HPSE2: variants seen among roughly 807,000 people sequenced by gnomAD.
HPSE2 encodes the protein heparanase 2 (inactive).
HPSE2 carries 38 observed loss-of-function variants against 60.5 expected under a neutral mutation model. The observed-to-expected ratio is 0.63, with a 90% confidence interval of 0.48 to 0.82. The LOEUF is 0.82. HPSE2 is among the 40% of genes least tolerant of loss of function. HPSE2 has a pLI of 0.00. For synonymous variants in HPSE2, 295 were observed against 293.2 expected (o/e 1.01, Z -0.06); for missense variants, 713 against 740.4 (o/e 0.96, Z 0.43).
chr10:99,075,634 C>T (rs1842929722), intron 3 of HPSE2, among the ~76,000 whole-genome samples: 1 of 151,866 alleles, frequency 6.6e-6, no homozygotes, highest in African/African-American at 2.4e-5. Flanking sequence ...CTGAAGTGTC[C>T]CACTATTATA....
intron 3 of HPSE2, among the ~76,000 whole-genome samples, chr10:98,824,674 C>T (rs981290603): frequency 6.6e-6 from 1 of 152,020 alleles, no homozygotes; most frequent in Non-Finnish European, 1.5e-5. Context: ...TATTTTATTC[C>T]CTTGAACCAT....
At chr10:98,558,606 T>G (rs1164325054) in intron 9 of HPSE2, among the ~76,000 whole-genome samples, 1 of 152,178 alleles carries the variant, frequency 6.6e-6, no homozygotes, top group East Asian at 1.9e-4. Flanking sequence ...CAGACAGCAA[T>G]GACTAGAAGG....
chr10:99,127,607 C>T (rs569206714), intron 3 of HPSE2, among the ~76,000 whole-genome samples: 1 of 152,238 alleles, frequency 6.6e-6, no homozygotes, highest in Non-Finnish European at 1.5e-5. Context: ...CCTGGCCTTG[C>T]TAGAGATCTA....
intron 3 of HPSE2, among the ~76,000 whole-genome samples, chr10:98,994,659 G>A (rs1956603342): frequency 6.6e-6 from 1 of 152,164 alleles, no homozygotes; most frequent in Non-Finnish European, 1.5e-5. Flanking sequence ...CCAAGAGTGA[G>A]GCACAGCTCA....
chr10:98,488,995 C>T (rs986522459), intron 10 of HPSE2, among the ~76,000 whole-genome samples: 1 of 152,130 alleles, frequency 6.6e-6, no homozygotes, highest in African/African-American at 2.4e-5. Flanking sequence ...ATCAAGGAAG[C>T]AGAAGGAGCA....
chr10:99,034,551 T>A (rs1957567663), intron 3 of HPSE2, among the ~76,000 whole-genome samples: 1 of 152,092 alleles, frequency 6.6e-6, no homozygotes, highest in Admixed American at 6.6e-5. Flanking sequence ...TGACAAATGA[T>A]TCTACCTGTA....
intron 3 of HPSE2, among the ~76,000 whole-genome samples, chr10:98,959,162 C>T (rs1564691384): frequency 6.6e-6 from 1 of 152,058 alleles, no homozygotes; most frequent in Non-Finnish European, 1.5e-5. Flanking sequence ...TAAACATTAG[C>T]ATGAGATGTA....
chr10:99,079,485 A>G (rs1332301513), intron 3 of HPSE2, among the ~76,000 whole-genome samples: 1 of 152,078 alleles, frequency 6.6e-6, no homozygotes, highest in Non-Finnish European at 1.5e-5. Flanking sequence ...GTCAAACTCT[A>G]TCTCATCCAA....
intron 9 of HPSE2, among the ~76,000 whole-genome samples, chr10:98,561,849 AAAACAAAC>A (rs143822075): frequency 2.0e-5 from 3 of 151,210 alleles, no homozygotes; most frequent in Admixed American, 6.6e-5. Context: ...CTCAGTCTCA[AAAACAAAC>A]AAACAAACAA....
At position 98,959,782 on chromosome 10, in the gene HPSE2, G is replaced by A. The variant is rs539569563; in HGVS notation, c.610+184456C>T. On this transcript the variant is annotated intron_variant, in intron 3 of 11. Transcript: ENST00000370552. ...AGAGACAACTAGAAAGAAGGCATTA[G>A]AAATGTGGGAAAGCTGACACTAAGC... 2.6e-5 allele frequency among the ~76,000 whole-genome samples: 4 copies of A among 152,232 alleles called. No individual in the cohort carries two copies. The South Asian group carries it at 8.3e-4, about 32-fold the overall frequency.
At chr10:98,934,405 G>A (rs771887085) in intron 3 of HPSE2, among the ~76,000 whole-genome samples, 2 of 144,460 alleles carry the variant, frequency 1.4e-5, no homozygotes, top group Non-Finnish European at 3.0e-5. Flanking sequence ...TTTTTGTAGT[G>A]GCTAGTAATG....
chr10:99,256,366 G>A, the HPSE2 span, among the ~76,000 whole-genome samples: 1 of 142,906 alleles, frequency 7.0e-6, no homozygotes, highest in Non-Finnish European at 1.5e-5. Context: ...TCTGCCATGA[G>A]ATGTGTAGGG....
chr10:99,180,311 T>G (rs971133051), intron 2 of HPSE2, among the ~76,000 whole-genome samples: 8 of 151,820 alleles, frequency 5.3e-5, no homozygotes, highest in African/African-American at 1.9e-4. Flanking sequence ...ATTATCAGAG[T>G]GAACAGGCAA....
At chr10:99,216,188 C>CTTTTTTTTTT (rs550046406) in intron 2 of HPSE2, among the ~76,000 whole-genome samples, 1 of 97,674 alleles carries the variant, frequency 1.0e-5, no homozygotes, top group Non-Finnish European at 1.9e-5. Context: ...ATAACCTAAA[C>CTTTTTTTTTT]TTTTTTTTTT....
At position 98,780,667 on chromosome 10, in the gene HPSE2, A is replaced by G. The variant is rs572751636; in HGVS notation, c.611-36611T>C. ...AAAATAGGCTTTTGATTGCTTGGCT[A>G]GGGAAGATGAAAAAAATGCAAGATG... On this transcript the variant is annotated intron_variant, in intron 3 of 11. Coordinates refer to ENST00000370552, the MANE Select transcript of HPSE2 (RefSeq NM_021828.5). 2.0e-5 allele frequency among the ~76,000 whole-genome samples: 3 copies of G among 152,236 alleles called. No individual in the cohort carries two copies. In the South Asian group the frequency reaches 6.2e-4, roughly 32 times the overall value.
At chr10:98,512,734 C>T (rs965963555) in intron 9 of HPSE2, among the ~76,000 whole-genome samples, 1 of 150,794 alleles carries the variant, frequency 6.6e-6, no homozygotes, top group Non-Finnish European at 1.5e-5. Flanking sequence ...TTCTCCCACC[C>T]TTCAAGGATA....
intron 3 of HPSE2, among the ~76,000 whole-genome samples, chr10:99,072,193 A>G (rs1842813383): frequency 6.6e-6 from 1 of 152,184 alleles, no homozygotes; most frequent in South Asian, 2.1e-4. Context: ...TAATAACATG[A>G]AGTCTTCCAA....
chr10:99,091,168 A>G (rs1843498867), intron 3 of HPSE2, among the ~76,000 whole-genome samples: 1 of 152,212 alleles, frequency 6.6e-6, no homozygotes, highest in Non-Finnish European at 1.5e-5. Context: ...TTAAACTATT[A>G]GTCCTTAGCA....
chr10:98,861,692 A>G (rs1268441254), intron 3 of HPSE2, among the ~76,000 whole-genome samples: 1 of 152,226 alleles, frequency 6.6e-6, no homozygotes, highest in East Asian at 1.9e-4. Flanking sequence ...TGAGGTCAAG[A>G]AAGAATCTAC....
Sources: allele counts gnomAD v4.1 joint callset (sites outside exome capture counted in the v4.1 genomes callset), GRCh38; gene constraint gnomAD v4.1.1; transcripts MANE v1.5; gene names NCBI Gene and HGNC (gene_info 2026-07-23, HGNC 2026-07-21).